Variants in CCDC57 observed in about 807,000 individuals in gnomAD.
The protein encoded by CCDC57 is coiled-coil domain-containing protein 57.
In CCDC57, 118 loss-of-function variants were observed where a neutral mutation model predicts 118.9. That is an observed-to-expected ratio of 0.99 (90% CI 0.86 to 1.16). The LOEUF (loss-of-function observed/expected upper bound fraction) is 1.16, where lower values mean the gene tolerates loss of function less well. Ranked by LOEUF, CCDC57 falls within the 50% of genes most tolerant of loss-of-function variation. The pLI is 0.00. For synonymous variants in CCDC57, 527 were observed against 532.9 expected (o/e 0.99, Z 0.15); for missense variants, 1,300 against 1,320.7 (o/e 0.98, Z 0.24).
At chr17:82,184,016 T>TGCGCGTGCGCGCGC (rs2046545660) in intron 8 of CCDC57, 84 bp from the exon 8 acceptor site, 1 of 304,612 alleles carries the variant, frequency 3.3e-6, no homozygotes, top group South Asian at 3.2e-5. Context: ...CAAATACACA[T>TGCGCGTGCGCGCGC]GCGCGCGCGC....
At chr17:82,189,381 G>T (rs992003660) in intron 7 of CCDC57, among the ~76,000 whole-genome samples, 4 of 152,136 alleles carry the variant, frequency 2.6e-5, no homozygotes, top group African/African-American at 9.7e-5. Context: ...GTGCTATCAG[G>T]TATATGTAAT....
intron 14 of CCDC57, chr17:82,160,545 A>T (rs1200481570): frequency 6.5e-6 from 1 of 153,874 alleles, no homozygotes; most frequent in Non-Finnish European, 1.4e-5. Flanking sequence ...CAGACAGGCC[A>T]GGTGCAGTGG....
At chr17:82,147,041 G>C (rs559923021) in intron 16 of CCDC57, among the ~76,000 whole-genome samples, 1 of 152,300 alleles carries the variant, frequency 6.6e-6, no homozygotes, top group South Asian at 2.1e-4. Flanking sequence ...AACTGAAGAA[G>C]GCAGAAAGTA....
At chr17:82,113,563 C>A in intron 19 of CCDC57, 2 of 717,688 alleles carry the variant, frequency 2.8e-6, no homozygotes, top group Middle Eastern at 2.3e-4. Flanking sequence ...TGCCTCCATT[C>A]ATTCCCCCTC....
chr17:82,205,314 C>T (rs2049489514), intron 2 of CCDC57, among the ~76,000 whole-genome samples: 1 of 152,214 alleles, frequency 6.6e-6, no homozygotes, highest in African/African-American at 2.4e-5. Context: ...GTACCAGCTG[C>T]CCTGCCACTG....
intron 13 of CCDC57, among the ~76,000 whole-genome samples, chr17:82,167,372 T>C (rs373681487): frequency 2.6e-5 from 3 of 117,060 alleles, no homozygotes; most frequent in African/African-American, 9.1e-5. Flanking sequence ...TTTTTTGAGA[T>C]GGATTTTTGC....
chr17:82,179,844 T>C (rs2045983413), intron 9 of CCDC57, among the ~76,000 whole-genome samples: 1 of 152,126 alleles, frequency 6.6e-6, no homozygotes, highest in South Asian at 2.1e-4. Flanking sequence ...GGAAACGTTA[T>C]AGTATGAAGG....
exon 3 of CCDC57, chr17:82,201,838 A>G (rs1208963046): frequency 1.2e-6 from 2 of 1,613,606 alleles, no homozygotes; most frequent in Non-Finnish European, 8.5e-7. Flanking sequence ...TGTGTCCTGC[A>G]GAGCCGCCTC....
intron 15 of CCDC57, 101 bp downstream of exon 14, chr17:82,157,647 C>T (rs2042835981): frequency 6.8e-7 from 1 of 1,474,190 alleles, no homozygotes; most frequent in Non-Finnish European, 9.0e-7. Flanking sequence ...CCCACCTGAG[C>T]TCCCAGGGCA....
At chr17:82,116,089 G>A (rs188038707) in intron 19 of CCDC57, among the ~76,000 whole-genome samples, 2,216 of 138,980 alleles carry the variant, frequency 0.016, 22 homozygotes, top group Middle Eastern at 0.05. Context: ...GAGCCACCGC[G>A]CCCGGCCACA....
chr17:82,139,738 C>T (rs2039763085), intron 16 of CCDC57, among the ~76,000 whole-genome samples: 2 of 152,098 alleles, frequency 1.3e-5, no homozygotes, highest in Admixed American at 1.3e-4. Context: ...TGTCTCAGAG[C>T]CTGGGAAAAG....
At chr17:82,197,019 CGCAGCCCCTCATGACTCCTGCAGAGAT>C (rs2048388043) in intron 4 of CCDC57, among the ~76,000 whole-genome samples, 2 of 144,002 alleles carry the variant, frequency 1.4e-5, no homozygotes, top group Non-Finnish European at 3.0e-5. Flanking sequence ...CTCCTGCAGA[CGCAGCCCCTCATGACTCCTGCAGAGAT>C]GCAGCCCCTC....
chr17:82,110,105 C>A (rs534466606), intron 19 of CCDC57, among the ~76,000 whole-genome samples: 1 of 150,960 alleles, frequency 6.6e-6, no homozygotes, highest in African/African-American at 2.4e-5. Context: ...CTCAGCCTCC[C>A]GAGTAGCAGG....
chr17:82,124,773 G>A (rs2037189795), intron 19 of CCDC57, among the ~76,000 whole-genome samples: 1 of 151,932 alleles, frequency 6.6e-6, no homozygotes, highest in African/African-American at 2.4e-5. Flanking sequence ...TCCAGCCTCG[G>A]TGACAGAATG....
Position 82,188,431 on chromosome 17 carries a change from T to G in CCDC57, c.852-12A>C. ...CGAGCTCCTCATGCCTGAAACACAG[T>G]GAGTGTCCCATGGCGCTCACCCAGC... On this transcript the variant is annotated splice_polypyrimidine_tract_variant and intron_variant, in intron 7 of 19. Transcript: ENST00000665763. 6.2e-7 allele frequency: 1 copy of G among 1,607,322 alleles called. No individual in the cohort carries two copies. The highest frequency in any genetic ancestry group is 8.5e-7 in the Non-Finnish European group (1 of 1,178,236).
At chr17:82,150,636 C>A (rs2041837497) in intron 16 of CCDC57, among the ~76,000 whole-genome samples, 1 of 58,166 alleles carries the variant, frequency 1.7e-5, no homozygotes, top group African/African-American at 6.8e-5. Context: ...CACCCAGAAC[C>A]AGGAGCACAC....
chr17:82,153,738 C>G (rs1223742825), intron 15 of CCDC57: 1 of 152,248 alleles, frequency 6.6e-6, no homozygotes, highest in African/African-American at 2.4e-5. Flanking sequence ...GGGCTGCCCA[C>G]CCCCAGCAGG....
At chr17:82,138,660 C>T (rs1437191371) in intron 16 of CCDC57, among the ~76,000 whole-genome samples, 2 of 147,384 alleles carry the variant, frequency 1.4e-5, no homozygotes, top group Non-Finnish European at 3.0e-5. Flanking sequence ...TGGCCTGCCC[C>T]GGGTCGGAAG....
At chr17:82,103,002 C>T (rs1344174047) in intron 19 of CCDC57, among the ~76,000 whole-genome samples, 2 of 152,232 alleles carry the variant, frequency 1.3e-5, no homozygotes, top group Non-Finnish European at 2.9e-5. Flanking sequence ...TGAATGTGGC[C>T]CAGTGGGCAG....
Sources: allele counts gnomAD v4.1 joint callset (sites outside exome capture counted in the v4.1 genomes callset), GRCh38; gene constraint gnomAD v4.1.1; transcripts MANE v1.5; gene names NCBI Gene and HGNC (gene_info 2026-07-23, HGNC 2026-07-21).